The following MBD5 variants were observed in gnomAD, a reference collection of about 807,000 sequenced individuals.
MBD5 encodes methyl-CpG-binding domain protein 5.
MBD5 carries 13 observed loss-of-function variants against 117.3 expected under a neutral mutation model. The ratio of observed to expected loss-of-function variants is 0.11; its 90% confidence interval spans 0.07 to 0.18. The LOEUF (loss-of-function observed/expected upper bound fraction) is 0.18, where lower values mean the gene tolerates loss of function less well. Among genes scored for constraint, MBD5 ranks in the 10% least tolerant of loss-of-function variants. The pLI, the probability that MBD5 is intolerant of heterozygous loss-of-function variation, is 1.00. For missense variants in MBD5, 1,879 were observed against 2,093.8 expected (o/e 0.90, Z 2.00); for synonymous variants, 727 against 766.4 (o/e 0.95, Z 0.85).
chr2:148,430,044 G>C (rs1250345406), intron 4 of MBD5, among the ~76,000 whole-genome samples: 1 of 152,000 alleles, frequency 6.6e-6, no homozygotes, highest in African/African-American at 2.4e-5. Flanking sequence ...ATTGGTTTTT[G>C]GCAATAACAT....
At chr2:148,484,659 A>C (rs1419597210) in intron 9 of MBD5, among the ~76,000 whole-genome samples, 1 of 152,246 alleles carries the variant, frequency 6.6e-6, no homozygotes, top group Non-Finnish European at 1.5e-5. Flanking sequence ...CCCAAGTTCA[A>C]GGGAACAGAC....
At position 148,463,919 on chromosome 2, in the gene MBD5, A is replaced by G; in HGVS notation, c.397A>G (p.Asn133Asp). 6.2e-7 allele frequency: 1 copy of G among 1,613,370 alleles called. No individual in the cohort carries two copies. The highest frequency in any genetic ancestry group is 1.3e-5 in the African/African-American group (1 of 75,018). ...LVLTSPGGGT[N>D]ATPVVPSRAA... ...GCTCACCAGTCCCGGAGGAGGAACA[A>G]GTATGTAATATGGTGAAAGGTTCAG... Residue 133 changes from asparagine (N) to aspartate (D), a missense_variant and splice_region_variant, in exon 7 of 14, where the codon AAT (asparagine) becomes GAT (aspartate). Transcript: ENST00000642680.
chr2:148,513,002 T>A lies in MBD5; in HGVS notation c.*61T>A. 7.0e-7 allele frequency: 1 copy of A among 1,420,628 alleles called. No homozygotes were observed. Among genetic ancestry groups the A allele is most frequent in the East Asian group, 2.3e-5 (1 of 43,970 alleles). 88.0% of individuals were successfully genotyped at this position (1,420,628 alleles called of 1,614,324 possible). ...AGGAACATGCACAGATGTATCTGTA[T>A]ATAGGTATTGATATAGCCACAGTTA... On this transcript the variant is annotated 3_prime_UTR_variant, in exon 14 of 14. Coordinates refer to ENST00000642680, the MANE Select transcript of MBD5 (RefSeq NM_001378120.1).
intron 4 of MBD5, among the ~76,000 whole-genome samples, chr2:148,371,115 T>A (rs12474340): frequency 0.03 from 4,506 of 152,270 alleles, 117 homozygotes; most frequent in African/African-American, 0.064. Flanking sequence ...TTTCAAAAAA[T>A]TATTTCTATT....
intron 3 of MBD5, among the ~76,000 whole-genome samples, chr2:148,256,054 G>A (rs542298000): frequency 4.6e-5 from 7 of 152,358 alleles, no homozygotes; most frequent in South Asian, 4.1e-4. Flanking sequence ...TAGCACATGC[G>A]TATACCCTTG....
At chr2:148,502,562 T>C in intron 12 of MBD5, 53 bp downstream of exon 12, 2 of 1,532,062 alleles carry the variant, frequency 1.3e-6, no homozygotes, top group South Asian at 1.2e-5. Flanking sequence ...AATTTACTGT[T>C]TTTCCATCAA....
At chr2:148,036,597 G>A (rs993054323) in intron 1 of MBD5, among the ~76,000 whole-genome samples, 2 of 151,920 alleles carry the variant, frequency 1.3e-5, no homozygotes, top group Admixed American at 1.3e-4. Flanking sequence ...CCATCAACTG[G>A]CTTTTTCTCC....
chr2:148,373,764 TA>T (rs985222598), intron 4 of MBD5, among the ~76,000 whole-genome samples: 1 of 152,188 alleles, frequency 6.6e-6, no homozygotes, highest in African/African-American at 2.4e-5. Context: ...ATCAGGTGAC[TA>T]CAATTCTTTT....
At chr2:148,107,885 T>C (rs1236245926) in intron 1 of MBD5, among the ~76,000 whole-genome samples, 2 of 152,168 alleles carry the variant, frequency 1.3e-5, no homozygotes, top group Non-Finnish European at 2.9e-5. Flanking sequence ...TAACTTTACA[T>C]GTGAAGAGAA....
chr2:148,036,086 C>A (rs963032177), intron 1 of MBD5, among the ~76,000 whole-genome samples: 4 of 152,022 alleles, frequency 2.6e-5, no homozygotes, highest in African/African-American at 7.2e-5. Context: ...TCAAATGACA[C>A]TTTTATGTGT....
chr2:148,446,617 T>TGTGTGTGTG (rs1553516233), intron 4 of MBD5, among the ~76,000 whole-genome samples: 4 of 151,910 alleles, frequency 2.6e-5, no homozygotes, highest in African/African-American at 9.7e-5. Flanking sequence ...TGTGTGTGTG[T>TGTGTGTGTG]GTGTGTGTGT....
chr2:148,262,752 G>C lies in MBD5; in HGVS notation c.-680+29357G>C, dbSNP rs532080855. Among the ~76,000 whole-genome samples the C allele has an allele frequency of 7.9e-5, 12 of 152,264 alleles. No individual in the cohort carries two copies. In the East Asian group the frequency reaches 2.1e-3, roughly 27 times the overall value. ...ATACACTGTCTCTTCCTCCCAGTTG[G>C]TCATTAAGCCTGATTGAAAACTCAG... On this transcript the variant is annotated intron_variant, in intron 3 of 13. Transcript: ENST00000642680.
chr2:148,267,139 G>T (rs1233635038), intron 3 of MBD5, among the ~76,000 whole-genome samples: 1 of 152,110 alleles, frequency 6.6e-6, no homozygotes, highest in Non-Finnish European at 1.5e-5. Context: ...GTAGAGGGAG[G>T]AGATATGCAG....
At chr2:148,066,936 T>G (rs1695213210) in intron 1 of MBD5, among the ~76,000 whole-genome samples, 1 of 152,222 alleles carries the variant, frequency 6.6e-6, no homozygotes, top group Non-Finnish European at 1.5e-5. Context: ...CACCCAATTT[T>G]GTACTCTCTG....
intron 1 of MBD5, chr2:148,070,742 A>G (rs778983521): frequency 1.3e-5 from 2 of 152,220 alleles, no homozygotes; most frequent in African/African-American, 2.4e-5. Context: ...AAAATGCAGA[A>G]ATAACATTAA....
At position 148,489,857 on chromosome 2, in the gene MBD5, G is replaced by A. The variant is rs1681464538; in HGVS notation, c.4225G>A (p.Val1409Met). 6.2e-7 allele frequency: 1 copy of A among 1,614,168 alleles called. No homozygotes were observed. The highest frequency in any genetic ancestry group is 8.5e-7 in the Non-Finnish European group (1 of 1,180,022). Residue 1409 changes from valine (V) to methionine (M), a missense_variant, in exon 11 of 14, where the codon GTG (valine) becomes ATG (methionine). Transcript: ENST00000642680. ...LPKNLDHGKN[V>M]NEGDGFEYFK... ...CAAGAATCTAGACCATGGGAAAAAT[G>A]TGAACGAAGGAGATGGGTTTGAATA...
intron 4 of MBD5, among the ~76,000 whole-genome samples, chr2:148,383,249 T>G (rs1171247554): frequency 2.0e-5 from 3 of 151,416 alleles, no homozygotes; most frequent in Non-Finnish European, 2.9e-5. Flanking sequence ...ATCAAATAGA[T>G]GAAATAAAAA....
intron 3 of MBD5, among the ~76,000 whole-genome samples, chr2:148,337,998 T>G (rs960524539): frequency 2.6e-5 from 4 of 152,152 alleles, no homozygotes; most frequent in Admixed American, 2.6e-4. Flanking sequence ...CAGACTGAGA[T>G]AGAGGGGTCC....
chr2:148,148,345 G>T (rs1023753002), intron 1 of MBD5, among the ~76,000 whole-genome samples: 2 of 152,206 alleles, frequency 1.3e-5, no homozygotes, highest in African/African-American at 2.4e-5. Flanking sequence ...TAATAGTGAA[G>T]CTTTTGGCTT....
Sources: gnomAD v4.1 joint callset for allele counts (sites outside exome capture counted in the v4.1 genomes callset) on GRCh38, gnomAD v4.1.1 for gene constraint, MANE v1.5 for transcripts, NCBI Gene and HGNC (gene_info 2026-07-23, HGNC 2026-07-21) for gene names.